Variants in PSD3 observed in about 807,000 individuals in gnomAD.
PSD3 encodes the protein pleckstrin and Sec7 domain containing 3.
PSD3 carries 49 observed loss-of-function variants against 105.5 expected under a neutral mutation model. That is an observed-to-expected ratio of 0.46 (90% CI 0.37 to 0.59). The LOEUF is 0.59. Among genes scored for constraint, PSD3 ranks in the 20% least tolerant of loss-of-function variants. The pLI is 0.00. For synonymous variants in PSD3, 557 were observed against 457.8 expected (o/e 1.22, Z -2.77); for missense variants, 1,561 against 1,263.8 (o/e 1.24, Z -3.57).
intron 9 of PSD3, among the ~76,000 whole-genome samples, chr8:18,706,238 C>T (rs1801888734): frequency 6.6e-6 from 1 of 152,150 alleles, no homozygotes; most frequent in South Asian, 2.1e-4. Flanking sequence ...CCTGTTTCAA[C>T]CCATTAAGAT....
chr8:18,807,103 C>T (rs760468745), intron 4 of PSD3, among the ~76,000 whole-genome samples: 4 of 152,152 alleles, frequency 2.6e-5, no homozygotes, highest in Non-Finnish European at 5.9e-5. Flanking sequence ...ACTTACATCA[C>T]GAAATGACAA....
rs947329858 is a variant in PSD3, at chr8:18,699,895, C to G, written c.2173-44210G>C. On this transcript the variant is annotated intron_variant, in intron 9 of 15. Coordinates refer to ENST00000327040, the MANE Select transcript of PSD3 (RefSeq NM_015310.4). ...AAAAAAAACCACAAAAATCAAGCTGCAGATTCCGCTCCTATATTTTCCTTT... is the reference window on the plus strand; with the variant it reads ...AAAAAAAACCACAAAAATCAAGCTGGAGATTCCGCTCCTATATTTTCCTTT... Among the ~76,000 whole-genome samples the G allele has an allele frequency of 8.6e-5, 13 of 151,890 alleles. No individual in the cohort carries two copies. The East Asian group carries it at 2.1e-3, about 25-fold the overall frequency.
chr8:18,951,753 G>A (rs900706953), intron 1 of PSD3, among the ~76,000 whole-genome samples: 7 of 152,098 alleles, frequency 4.6e-5, no homozygotes, highest in African/African-American at 1.7e-4. Flanking sequence ...GGGAGGCCGA[G>A]GCAGGTGGAT....
intron 9 of PSD3, among the ~76,000 whole-genome samples, chr8:18,750,429 G>C (rs1457663962): frequency 1.3e-5 from 2 of 152,078 alleles, no homozygotes; most frequent in Non-Finnish European, 2.9e-5. Context: ...CTCCCGGTGG[G>C]CTCGTGGTCT....
intron 2 of PSD3, among the ~76,000 whole-genome samples, chr8:18,891,979 A>G (rs1319323085): frequency 1.3e-5 from 2 of 152,306 alleles, no homozygotes; most frequent in Middle Eastern, 3.4e-3. Context: ...TTAACCCAAC[A>G]CACAGTTAAA....
chr8:18,758,007 C>T (rs537504985), intron 9 of PSD3, among the ~76,000 whole-genome samples: 1 of 151,938 alleles, frequency 6.6e-6, no homozygotes, highest in South Asian at 2.1e-4. Flanking sequence ...TGGACTTGTC[C>T]ATTATTTTTG....
chr8:19,061,798 C>T (rs1345941095), intron 1 of PSD3, among the ~76,000 whole-genome samples: 1 of 141,564 alleles, frequency 7.1e-6, no homozygotes, highest in Non-Finnish European at 1.5e-5. Context: ...GAGTGAGACT[C>T]CGTCTAAAAA....
chr8:18,917,261 A>G (rs1241537316), intron 2 of PSD3, among the ~76,000 whole-genome samples: 2 of 152,176 alleles, frequency 1.3e-5, no homozygotes, highest in Non-Finnish European at 2.9e-5. Flanking sequence ...TCAGGCAGAG[A>G]TGGAGATGGT....
chr8:19,073,325 C>A (rs370894275), intron 1 of PSD3, among the ~76,000 whole-genome samples: 2 of 151,906 alleles, frequency 1.3e-5, no homozygotes, highest in Non-Finnish European at 2.9e-5. Context: ...CCAAGGCGGG[C>A]GGATCACTTG....
chr8:18,554,565 T>G (rs984759976), intron 15 of PSD3, among the ~76,000 whole-genome samples: 7 of 152,184 alleles, frequency 4.6e-5, no homozygotes, highest in South Asian at 2.1e-4. Context: ...GTGTCATTTT[T>G]TTAATCAAAT....
intron 8 of PSD3, among the ~76,000 whole-genome samples, chr8:18,797,828 G>A (rs565231161): frequency 1.1e-4 from 17 of 152,098 alleles, no homozygotes; most frequent in African/African-American, 4.1e-4. Context: ...GATGCTAAAC[G>A]TACAACTCTT....
chr8:19,045,050 T>G (rs1168727586), intron 1 of PSD3, among the ~76,000 whole-genome samples: 1 of 152,090 alleles, frequency 6.6e-6, no homozygotes, highest in Non-Finnish European at 1.5e-5. Context: ...CTGAGTGTGG[T>G]GGTGCACACC....
chr8:18,717,522 CCA>C (rs1427078435), intron 9 of PSD3, among the ~76,000 whole-genome samples: 1 of 151,606 alleles, frequency 6.6e-6, no homozygotes, highest in East Asian at 1.9e-4. Flanking sequence ...ATATTTTGCT[CCA>C]GTTAAAAAAA....
At chr8:19,050,438 A>G (rs1315874766) in intron 1 of PSD3, among the ~76,000 whole-genome samples, 1 of 152,194 alleles carries the variant, frequency 6.6e-6, no homozygotes, top group African/African-American at 2.4e-5. Context: ...AACCAACCCA[A>G]ATGCCCAACA....
intron 2 of PSD3, among the ~76,000 whole-genome samples, chr8:18,878,768 C>T (rs909737454): frequency 8.6e-5 from 13 of 151,984 alleles, no homozygotes; most frequent in African/African-American, 1.7e-4. Flanking sequence ...AAGACTTTTG[C>T]GGTATGGTAT....
intron 12 of PSD3, among the ~76,000 whole-genome samples, chr8:18,590,948 A>T (rs9644566): frequency 0.036 from 5,556 of 152,286 alleles, 294 homozygotes; most frequent in East Asian, 0.22. Context: ...AAACTGTGTT[A>T]TACTATGATT....
chr8:19,028,021 A>G (rs1202807058), intron 1 of PSD3, among the ~76,000 whole-genome samples: 1 of 152,210 alleles, frequency 6.6e-6, no homozygotes, highest in East Asian at 1.9e-4. Flanking sequence ...CCAGTTTTCC[A>G]AAGTGGCTAT....
At chr8:18,936,251 C>T in intron 1 of PSD3, 109 bp from the exon 2 acceptor site, 1 of 715,926 alleles carries the variant, frequency 1.4e-6, no homozygotes. Flanking sequence ...GACATATGTA[C>T]TCAAAGCTAT....
At chr8:18,648,449 A>G (rs896231232) in intron 10 of PSD3, among the ~76,000 whole-genome samples, 1 of 152,238 alleles carries the variant, frequency 6.6e-6, no homozygotes, top group South Asian at 2.1e-4. Context: ...GTGATGATTT[A>G]GGGTATCTGG....
Sources: gnomAD v4.1 joint callset for allele counts (sites outside exome capture counted in the v4.1 genomes callset) on GRCh38, gnomAD v4.1.1 for gene constraint, MANE v1.5 for transcripts, NCBI Gene and HGNC (gene_info 2026-07-23, HGNC 2026-07-21) for gene names.